The following FAM217A variants were observed in gnomAD, a reference collection of about 807,000 sequenced individuals.
FAM217A encodes the protein family with sequence similarity 217 member A, also known as protein FAM217A.
Under a neutral mutation model 18.5 loss-of-function variants are expected in FAM217A, and 13 were observed. The ratio of observed to expected loss-of-function variants is 0.70; its 90% CI spans 0.46 to 1.12. The LOEUF is 1.12. FAM217A is among the 50% of genes most tolerant of loss of function. The probability of loss-of-function intolerance (pLI) is 0.00; values close to 1 mark genes in which losing one functional copy is unlikely to be tolerated. For synonymous variants in FAM217A, 161 were observed against 202.8 expected, an observed-to-expected ratio of 0.79 and a Z score of 1.75; for missense variants, 560 against 575.4, an observed-to-expected ratio of 0.97 and a Z score of 0.27.
At chr6:4,077,627 C>G (rs1417762887) in intron 1 of FAM217A, among the ~76,000 whole-genome samples, 179 bp from the exon 2 acceptor site, 1 of 152,064 alleles carries the variant, frequency 6.6e-6, no homozygotes, top group East Asian at 1.9e-4. Flanking sequence ...AAGGGGCAAG[C>G]CTGACTCAAA....
chr6:4,084,386 C>G (rs1188302242), intron 2 of FAM217A, among the ~76,000 whole-genome samples: 1 of 152,186 alleles, frequency 6.6e-6, no homozygotes. Flanking sequence ...TATGTTGCAG[C>G]TAGTGCTTTT....
chr6:4,078,976 G>A lies in FAM217A; in HGVS notation c.-159C>T, dbSNP rs652493. 2.4e-5 allele frequency: 12 copies of A among 508,618 alleles called. No homozygotes were observed. In the Admixed American group the frequency reaches 2.8e-4, roughly 12 times the overall value. 31.5% of individuals were successfully genotyped at this position (508,618 alleles called of 1,614,324 possible). A position where few individuals can be genotyped will look rare whatever the true frequency, so the allele number is the denominator to read the frequency against. ...CCCTCTGCCGCGGCCTTCCTGCAGC[G>A]GGGGGACAAAGAGGGCGGCGGGCGG... On this transcript the variant is annotated 5_prime_UTR_variant, in exon 1 of 7. Coordinates refer to ENST00000274673, the MANE Select transcript of FAM217A (RefSeq NM_173563.3).
intron 6 of FAM217A, among the ~76,000 whole-genome samples, chr6:4,072,465 T>TAAA (rs1180903461): frequency 2.4e-4 from 4 of 16,536 alleles, no homozygotes; most frequent in South Asian, 2.2e-3. Flanking sequence ...AAAAAAGTAT[T>TAAA]TAAAAAAAAA....
rs930785969 is a variant in FAM217A at position 4,084,483 on chromosome 6, T to G, written c.251+95A>C. 8.1e-6 allele frequency: 5 copies of G among 620,734 alleles called. No individual in the cohort carries two copies. The African/African-American group carries it at 9.2e-5, about 11-fold the overall frequency. The allele number at this position is 620,734 out of a possible 1,614,324, so 38.5% of individuals were successfully genotyped here. A position where few individuals can be genotyped will look rare whatever the true frequency, so the allele number is the denominator to read the frequency against. On this transcript the variant is annotated intron_variant, in intron 2 of 8. Coordinates refer to the FAM217A transcript ENST00000639338. Reference sequence around the variant, plus strand: ...TTGAATTGCTTCATAAGCCTTTCTGTTTTTCAGATGCCTATACTCTGTAAC... The same window carrying G: ...TTGAATTGCTTCATAAGCCTTTCTGGTTTTCAGATGCCTATACTCTGTAAC...
upstream of FAM217A, among the ~76,000 whole-genome samples, chr6:4,082,674 C>G (rs145203769): frequency 1.7e-3 from 263 of 152,350 alleles, 1 homozygote; most frequent in African/African-American, 6.1e-3. Flanking sequence ...TTCCCCCACT[C>G]AGGCTGTTAG....
In FAM217A at chr6:4,072,363, AACTC is replaced by A. The variant is rs749985468; in HGVS notation, c.302+908_302+911del. Reference sequence around the variant, plus strand: ...CACACACACACAAAAAAAGAATTAAAACTCAGGTAAGGTTGGGTGCAGCAAACCA... The same window carrying A: ...CACACACACACAAAAAAAGAATTAAAAGGTAAGGTTGGGTGCAGCAAACCA... On this transcript the variant is annotated intron_variant, in intron 6 of 6. Transcript: ENST00000274673. Among the ~76,000 whole-genome samples, 5 of 151,832 alleles carry A rather than the reference AACTC, an allele frequency of 3.3e-5. No individual in the cohort carries two copies. In the South Asian group the frequency reaches 1.0e-3, roughly 32 times the overall value.
In FAM217A at chr6:4,077,587, G is replaced by A. The variant is rs538039515; in HGVS notation, c.-34-139C>T. 1.8e-5 allele frequency: 13 copies of A among 723,908 alleles called. No individual in the cohort carries two copies. The East Asian group carries it at 2.7e-4, about 15-fold the overall frequency. 44.8% of individuals were successfully genotyped at this position (723,908 alleles called of 1,614,324 possible). On this transcript the variant is annotated intron_variant, in intron 1 of 6. Transcript: ENST00000274673. ...AAGAGAGGGGCTAGGAGAGCAGGGT[G>A]GGGGTGACAGTACGAAACCAACCAG...
intron 1 of FAM217A, 36 bp from the exon 2 acceptor site, chr6:4,077,484 A>C: frequency 6.8e-7 from 1 of 1,473,420 alleles, no homozygotes; most frequent in Admixed American, 1.7e-5. Flanking sequence ...TTTATGGGTA[A>C]GGGTCAACAT....
At position 4,077,425 on chromosome 6, in the gene FAM217A, C is replaced by T; in HGVS notation, c.-11G>A. The T allele has an allele frequency of 6.2e-7, 1 of 1,614,124 alleles. No individual in the cohort carries two copies. Among genetic ancestry groups the T allele is most frequent in the Non-Finnish European group, 8.5e-7 (1 of 1,179,964 alleles). On this transcript the variant is annotated 5_prime_UTR_variant, in exon 2 of 7. Transcript: ENST00000274673. ...ATTTCTTCTCCCCATTTTGTTGTAG[C>T]TGTTGCTCTGTTTCCTTAAAATCCT...
chr6:4,071,250 A>C (rs906522417), intron 6 of FAM217A, among the ~76,000 whole-genome samples: 1 of 152,212 alleles, frequency 6.6e-6, no homozygotes, highest in Non-Finnish European at 1.5e-5. Context: ...GAGAATTTAT[A>C]TGAATATGCT....
Position 4,069,864 on chromosome 6 carries a change from C to T in FAM217A, c.359G>A (p.Arg120Lys). Residue 120 changes from arginine to lysine, a missense_variant, in exon 7 of 7, where the codon AGG becomes AAG. Physicochemically the swap from Arg to Lys is conservative, Grantham distance 26. Transcript: ENST00000274673. ...TGFNVINHPI[R>K]VFTLNHPLTI... The stretch of plus-strand genomic sequence containing the variant: ...TAATGGGTGGTTCAGAGTGAAGACC[C>T]TTATAGGATGATTGATTACATTAAA... 1.2e-6 allele frequency: 2 copies of T among 1,609,092 alleles called. No individual in the cohort carries two copies. The highest frequency in any genetic ancestry group is 1.7e-6 in the Non-Finnish European group (2 of 1,178,342).
chr6:4,076,940 A>G (rs1769839795), intron 2 of FAM217A, among the ~76,000 whole-genome samples: 1 of 152,218 alleles, frequency 6.6e-6, no homozygotes, highest in Non-Finnish European at 1.5e-5. Flanking sequence ...CAACTGGTAA[A>G]GAATGCTCAT....
chr6:4,069,817 G>C lies in FAM217A; in HGVS notation c.406C>G (p.Gln136Glu). ...HPLTIASVDK[Q>E]VGPYPGLPMP... is the part of the protein sequence containing the mutation. The stretch of plus-strand genomic sequence containing the variant: ...GGCAGTCCAGGGTAAGGACCAACTT[G>C]CTTATCAACTGAAGCAATTGTTAAT... Residue 136 changes from glutamine (Q) to glutamate (E), a missense_variant, in exon 7 of 7, where the codon CAA (glutamine) becomes GAA (glutamate). By Grantham distance (29) the Gln-to-Glu change is conservative (BLOSUM62 2). Transcript: ENST00000274673. 1 of 1,614,172 alleles carries C rather than the reference G, an allele frequency of 6.2e-7. No homozygotes were observed. The highest frequency in any genetic ancestry group is 1.1e-5 in the South Asian group (1 of 91,078).
Position 4,069,712 on chromosome 6 carries a change from A to T in FAM217A, c.511T>A (p.Ser171Thr), listed in dbSNP as rs778263550. 2.5e-5 allele frequency: 41 copies of T among 1,614,036 alleles called. No homozygotes were observed. The highest frequency in any genetic ancestry group is 3.5e-5 in the Non-Finnish European group (41 of 1,180,012). The change falls in exon 7 of 7, where the codon TCA becomes ACA. Residue 171 changes from serine to threonine, a missense_variant. Coordinates refer to ENST00000274673, the MANE Select transcript of FAM217A (RefSeq NM_173563.3). ...TCACCATCATTGTTTTCTATAGTTGAACATGAACTAACATGAATCTCATTT... is the reference window on the plus strand; with the variant it reads ...TCACCATCATTGTTTTCTATAGTTGTACATGAACTAACATGAATCTCATTT... ...NRNEIHVSSC[S>T]TIENNDGETL...
At chr6:4,081,108 A>T (rs1004307454), upstream of FAM217A, among the ~76,000 whole-genome samples, 2 of 152,160 alleles carry the variant, frequency 1.3e-5, no homozygotes, top group Non-Finnish European at 2.9e-5. Context: ...CATGTACTGT[A>T]GTAGGTAAGG....
intron 1 of FAM217A, chr6:4,084,956 G>A (rs1770547426): frequency 1.7e-6 from 1 of 603,564 alleles, no homozygotes; most frequent in Non-Finnish European, 2.9e-6. Context: ...TACGTGGGCT[G>A]CTGCCCGGCA....
chr6:4,084,680 T>G (rs2113898387), exon 2 of FAM217A: 1 of 703,008 alleles, frequency 1.4e-6, no homozygotes, highest in Non-Finnish European at 2.6e-6. Flanking sequence ...AATGCTTTCC[T>G]TAAAAAACTT....
At chr6:4,072,463 A>AT (rs1477936259) in intron 6 of FAM217A, among the ~76,000 whole-genome samples, 2 of 35,646 alleles carry the variant, frequency 5.6e-5, no homozygotes, top group African/African-American at 2.8e-4. Context: ...TTAAAAAAGT[A>AT]TTTAAAAAAA....
chr6:4,069,993 G>T, intron 6 of FAM217A, 73 bp from the exon 7 acceptor site: 1 of 1,096,944 alleles, frequency 9.1e-7, no homozygotes, highest in Non-Finnish European at 1.3e-6. Context: ...ATACAGTTAA[G>T]TACCCTTTAT....
Sources: gnomAD v4.1 joint callset for allele counts (sites outside exome capture counted in the v4.1 genomes callset) on GRCh38, gnomAD v4.1.1 for gene constraint, MANE v1.5 for transcripts, NCBI Gene and HGNC (gene_info 2026-07-23, HGNC 2026-07-21) for gene names.